Variants in TRIOBP observed in about 807,000 individuals in gnomAD.
TRIOBP encodes the protein TRIO and F-actin-binding protein.
In TRIOBP, 169 loss-of-function variants were observed where a neutral mutation model predicts 238.8. The ratio of observed to expected loss-of-function variants is 0.71; its 90% CI spans 0.62 to 0.80. The LOEUF (loss-of-function observed/expected upper bound fraction) is 0.80, where lower values mean the gene tolerates loss of function less well. Among genes scored for constraint, TRIOBP ranks in the 30% least tolerant of loss-of-function variants. The probability of loss-of-function intolerance (pLI) is 0.00; values close to 1 mark genes in which losing one functional copy is unlikely to be tolerated. For missense variants in TRIOBP, 2,838 were observed against 3,122.6 expected (o/e 0.91, Z 2.17); for synonymous variants, 1,150 against 1,274.4 (o/e 0.90, Z 2.08).
intron 12 of TRIOBP, among the ~76,000 whole-genome samples, chr22:37,752,443 G>A (rs902374631): frequency 6.6e-6 from 1 of 152,220 alleles, no homozygotes; most frequent in African/African-American, 2.4e-5. Flanking sequence ...AGCAGGGACA[G>A]TGGCTGTTTC....
At position 37,713,346 on chromosome 22, in the gene TRIOBP, G is replaced by A. The variant is rs144634857; in HGVS notation, c.391G>A (p.Gly131Ser). The A allele has an allele frequency of 5.1e-3, 8,237 of 1,613,934 alleles. 43 individuals are homozygous for A. The highest frequency in any genetic ancestry group is 0.028 in the Middle Eastern group (172 of 6,060). Residue 131 changes from glycine (G) to serine (S), a missense_variant, in exon 5 of 24, where the codon GGC becomes AGC. Transcript: ENST00000644935. ...GTGTGGCAGCTGCAACGAGGACCCC[G>A]GCTCTGACCCCACCTCCAGCCCTGA... ...SLCGSCNEDP[G>S]SDPTSSPDSA...
At chr22:37,710,653 C>T in intron 4 of TRIOBP, 87 bp downstream of exon 4, 1 of 1,506,286 alleles carries the variant, frequency 6.6e-7, no homozygotes, top group Admixed American at 2.0e-5. Flanking sequence ...CAAGGCAGCA[C>T]CTGTCTCTAA....
chr22:37,769,751 CAG>C (rs78996718), intron 21 of TRIOBP, among the ~76,000 whole-genome samples: 25,206 of 151,912 alleles, frequency 0.17, 2,682 homozygotes, highest in South Asian at 0.27. Flanking sequence ...TTTTTTGAGA[CAG>C]AGTCTCTCTC....
At chr22:37,754,751 G>A in intron 12 of TRIOBP, 126 bp from the exon 13 acceptor site, 1 of 882,322 alleles carries the variant, frequency 1.1e-6, no homozygotes, top group South Asian at 1.4e-5. Flanking sequence ...AAATGGAGGG[G>A]CCAGGTCTCA....
chr22:37,713,463 G>A (rs1424998002), intron 5 of TRIOBP, 52 bp downstream of exon 5: 5 of 1,591,462 alleles, frequency 3.1e-6, no homozygotes, highest in South Asian at 1.1e-5. Context: ...ACCTCCATCT[G>A]CAGCCCTGGG....
Position 37,747,942 on chromosome 22 carries a change from G to A in TRIOBP, c.5323-3830G>A, listed in dbSNP as rs537406609. 3.3e-5 allele frequency among the ~76,000 whole-genome samples: 5 copies of A among 152,338 alleles called. No individual in the cohort carries two copies. In the East Asian group the frequency reaches 9.6e-4, roughly 29 times the overall value. The stretch of plus-strand genomic sequence containing the variant: ...AAGGCTGCCGGAAGCAGCGTGTGGG[G>A]TGCTTGGAAGATGGACAGCACATCC... On this transcript the variant is annotated intron_variant, in intron 11 of 23. Transcript: ENST00000644935.
rs749155376 is a variant in TRIOBP at position 37,710,499 on chromosome 22, C to A, written c.187C>A (p.Pro63Thr). The change falls in exon 4 of 24, where the codon CCA becomes ACA. Residue 63 changes from proline to threonine, a missense_variant. Pro to Thr is a conservative substitution (Grantham distance 38). Coordinates refer to ENST00000644935, the MANE Select transcript of TRIOBP (RefSeq NM_001039141.3). ...TCGATGTCCACCTGCCCCTGAGGAC[C>A]CACTCAGCGCCTCAACCTCCGGCTG... ...LPRCPPAPED[P>T]LSASTSGCQS... The A allele has an allele frequency of 1.2e-6, 2 of 1,612,610 alleles. No individual in the cohort carries two copies. The highest frequency in any genetic ancestry group is 1.7e-6 in the Non-Finnish European group (2 of 1,179,850).
rs1926585418 is a variant in TRIOBP at position 37,768,001 on chromosome 22, T to C, written c.6473-73T>C. 2.6e-6 allele frequency: 3 copies of C among 1,169,356 alleles called. No homozygotes were observed. In the South Asian group the frequency reaches 3.9e-5, roughly 15 times the overall value. The allele number at this position is 1,169,356 out of a possible 1,614,324, so 72.4% of individuals were successfully genotyped here. A position where few individuals can be genotyped will look rare whatever the true frequency, so the allele number is the denominator to read the frequency against. On this transcript the variant is annotated intron_variant, in intron 18 of 23. Transcript: ENST00000644935. ...TAGTACTCCACCAGTACATGTGGCG[T>C]CTCAGAGCTGGTGGCACTTGGTGCT...
At position 37,724,525 on chromosome 22, in the gene TRIOBP, G is replaced by T. The variant is rs770347004; in HGVS notation, c.1969G>T (p.Asp657Tyr). ...SPRTSCARRD[D>Y]PRASSPNRTI... ...CAGAACATCCTGTGCCCGACGGGACGATCCCAGAGCCTCCTCTCCTAACAG... is the reference window on the plus strand; with the variant it reads ...CAGAACATCCTGTGCCCGACGGGACTATCCCAGAGCCTCCTCTCCTAACAG... The change falls in exon 7 of 24, where the codon GAT (aspartate) becomes TAT (tyrosine). Residue 657 changes from aspartate to tyrosine, a missense_variant. Around this residue, in one of 5 missense-constraint regions of TRIOBP, gnomAD observed 167 missense variants for 200.2 expected, o/e 0.83. Coordinates refer to ENST00000644935, the MANE Select transcript of TRIOBP (RefSeq NM_001039141.3). 2.1e-6 allele frequency: 3 copies of T among 1,405,578 alleles called. No individual in the cohort carries two copies. Among genetic ancestry groups the T allele is most frequent in the South Asian group, 1.2e-5 (1 of 84,680 alleles). The allele number at this position is 1,405,578 out of a possible 1,614,324, so 87.1% of individuals were successfully genotyped here. A position where few individuals can be genotyped will look rare whatever the true frequency, so the allele number is the denominator to read the frequency against.
chr22:37,751,320 G>A, intron 11 of TRIOBP: 1 of 340,618 alleles, frequency 2.9e-6, no homozygotes, highest in Non-Finnish European at 5.9e-6. Flanking sequence ...GAAAGGACAG[G>A]ACTGGCGGGC....
intron 7 of TRIOBP, among the ~76,000 whole-genome samples, chr22:37,731,431 T>C (rs1924416091): frequency 1.4e-5 from 2 of 146,902 alleles, no homozygotes; most frequent in Non-Finnish European, 1.5e-5. Context: ...GTAAAGACAC[T>C]GTACCTGGCC....
At position 37,725,894 on chromosome 22, in the gene TRIOBP, G is replaced by A. The variant is rs1328327387; in HGVS notation, c.3338G>A (p.Cys1113Tyr). 1 of 1,613,166 alleles carries A rather than the reference G, an allele frequency of 6.2e-7. No homozygotes were observed. The highest frequency in any genetic ancestry group is 1.1e-5 in the South Asian group (1 of 91,032). ...HEPLQLPAPV[C>Y]IGYRDAPRAS... ...CCCCTTCAGCTCCCTGCACCTGTGTGTATTGGGTACCGAGATGCACCCCGG... is the reference window on the plus strand; with the variant it reads ...CCCCTTCAGCTCCCTGCACCTGTGTATATTGGGTACCGAGATGCACCCCGG... Residue 1113 changes from cysteine (C) to tyrosine (Y), a missense_variant, in exon 7 of 24, where the codon TGT (cysteine) becomes TAT (tyrosine). By Grantham distance (194) the Cys-to-Tyr change is radical. Coordinates refer to ENST00000644935, the MANE Select transcript of TRIOBP (RefSeq NM_001039141.3).
At chr22:37,753,892 A>G (rs1925764630) in intron 12 of TRIOBP, among the ~76,000 whole-genome samples, 2 of 152,150 alleles carry the variant, frequency 1.3e-5, no homozygotes, top group Admixed American at 1.3e-4. Flanking sequence ...GCGGGCCGCG[A>G]CTGGCATTCC....
chr22:37,765,579 C>G, intron 17 of TRIOBP, 91 bp from the exon 18 acceptor site: 1 of 1,523,370 alleles, frequency 6.6e-7, no homozygotes, highest in Non-Finnish European at 8.8e-7. Context: ...GGTGGTGTAC[C>G]TGCCCCTGAG....
rs563986808 is a variant in TRIOBP, at chr22:37,701,461, C to T, written c.96C>T (p.Ala32=). Residue 32 remains alanine (A), a synonymous_variant, in exon 3 of 24, where the codon GCC becomes GCT. Coordinates refer to ENST00000644935, the MANE Select transcript of TRIOBP (RefSeq NM_001039141.3). ...AAAACTGCTTCCACCCTGAGGAGGCCCATGGAGCAAGATACCAGGTGGGCC... is the reference window on the plus strand; with the variant it reads ...AAAACTGCTTCCACCCTGAGGAGGCTCATGGAGCAAGATACCAGGTGGGCC... The part of the protein sequence containing the change: ...RCQNCFHPEE[A]HGARYQELRS... The T allele has an allele frequency of 1.1e-5, 18 of 1,612,454 alleles. No homozygotes were observed. The East Asian group carries it at 3.8e-4, about 34-fold the overall frequency.
At chr22:37,749,365 C>T (rs537127394) in intron 11 of TRIOBP, among the ~76,000 whole-genome samples, 19 of 152,116 alleles carry the variant, frequency 1.2e-4, no homozygotes, top group Admixed American at 3.9e-4. Flanking sequence ...ATAAAGCAAG[C>T]CACCTGGAGC....
intron 6 of TRIOBP, among the ~76,000 whole-genome samples, chr22:37,717,656 T>C (rs944726427): frequency 3.9e-5 from 6 of 152,234 alleles, no homozygotes; most frequent in African/African-American, 4.8e-5. Flanking sequence ...CACAGGGTGC[T>C]GATTGGTGTG....
intron 3 of TRIOBP, among the ~76,000 whole-genome samples, chr22:37,704,904 C>CA (rs55816795): frequency 0.038 from 4,942 of 131,254 alleles, 303 homozygotes; most frequent in African/African-American, 0.13. Flanking sequence ...CCATTTCTAC[C>CA]AAAAAAAAAA....
chr22:37,764,803 A>G (rs1926403236), intron 17 of TRIOBP, among the ~76,000 whole-genome samples: 1 of 152,194 alleles, frequency 6.6e-6, no homozygotes, highest in Non-Finnish European at 1.5e-5. Context: ...CACCTGCCAC[A>G]TGTCAGGCCC....
Sources: gnomAD v4.1 joint callset for allele counts (sites outside exome capture counted in the v4.1 genomes callset) on GRCh38, gnomAD v4.1.1 for gene constraint, gnomAD v4.1.1 regional missense constraint, MANE v1.5 for transcripts, NCBI Gene and HGNC (gene_info 2026-07-23, HGNC 2026-07-21) for gene names.